The following GALNT13 variants were observed in gnomAD, a reference collection of about 807,000 sequenced individuals.
GALNT13 encodes UDP-GalNAc:polypeptide N-acetylgalactosaminyltransferase 13.
Under a neutral mutation model 64.2 loss-of-function variants are expected in GALNT13, and 28 were observed. The ratio of observed to expected loss-of-function variants is 0.44; its 90% CI spans 0.32 to 0.60. The LOEUF (loss-of-function observed/expected upper bound fraction) is 0.60, where lower values mean the gene tolerates loss of function less well. Among genes scored for constraint, GALNT13 ranks in the 20% least tolerant of loss-of-function variants. The probability of loss-of-function intolerance (pLI) is 0.05; values close to 1 mark genes in which losing one functional copy is unlikely to be tolerated. For missense variants in GALNT13, 577 were observed against 669.8 expected (o/e 0.86, Z 1.53); for synonymous variants, 214 against 224.6 (o/e 0.95, Z 0.42).
At chr2:154,348,765 C>T (rs1467050941) in intron 9 of GALNT13, among the ~76,000 whole-genome samples, 3 of 151,870 alleles carry the variant, frequency 2.0e-5, no homozygotes, top group African/African-American at 7.3e-5. Flanking sequence ...TGTTATTCTA[C>T]AAGGTCCTGG....
At chr2:153,386,400 G>C in the GALNT13 span, among the ~76,000 whole-genome samples, 8,891 of 152,020 alleles carry the variant, frequency 0.058, 298 homozygotes, top group Middle Eastern at 0.13. Context: ...ATCACATACA[G>C]TTGGGTAAAA....
chr2:154,051,354 A>G (rs962825486), intron 3 of GALNT13, among the ~76,000 whole-genome samples: 12 of 140,536 alleles, frequency 8.5e-5, no homozygotes, highest in African/African-American at 2.2e-4. Flanking sequence ...GCAGTGGCGC[A>G]ATCTCGGCTC....
the GALNT13 span, among the ~76,000 whole-genome samples, chr2:153,434,927 T>C: frequency 1.6e-4 from 24 of 152,342 alleles, 1 homozygote; most frequent in South Asian, 4.8e-3. Context: ...TGAATGGTAT[T>C]GCCTAGATTT....
the GALNT13 span, among the ~76,000 whole-genome samples, chr2:153,168,448 T>C: frequency 6.6e-6 from 1 of 152,216 alleles, no homozygotes; most frequent in African/African-American, 2.4e-5. Flanking sequence ...ATATTTGTGG[T>C]ACACAAAATT....
At chr2:154,382,907 T>G (rs1051001553) in intron 9 of GALNT13, among the ~76,000 whole-genome samples, 2 of 151,946 alleles carry the variant, frequency 1.3e-5, no homozygotes, top group Non-Finnish European at 2.9e-5. Context: ...AAAATCACCC[T>G]GGTACAGAAA....
At chr2:153,643,568 C>T in the GALNT13 span, among the ~76,000 whole-genome samples, 1 of 151,618 alleles carries the variant, frequency 6.6e-6, no homozygotes, top group African/African-American at 2.4e-5. Flanking sequence ...ATCCAATCTC[C>T]ACAAAATTTC....
chr2:153,429,931 G>T, the GALNT13 span, among the ~76,000 whole-genome samples: 1 of 151,984 alleles, frequency 6.6e-6, no homozygotes, highest in East Asian at 1.9e-4. Context: ...AATGTAAATT[G>T]TATCCTCACC....
At chr2:153,956,595 A>G (rs569201156) in intron 3 of GALNT13, among the ~76,000 whole-genome samples, 1 of 152,210 alleles carries the variant, frequency 6.6e-6, no homozygotes, top group African/African-American at 2.4e-5. Context: ...CTCTTTCTTT[A>G]TATCATTCCT....
intron 9 of GALNT13, among the ~76,000 whole-genome samples, chr2:154,373,250 T>A (rs1427831097): frequency 6.6e-6 from 1 of 152,182 alleles, no homozygotes; most frequent in South Asian, 2.1e-4. Context: ...AAAGAAAAAA[T>A]ACATTGAATT....
At chr2:153,215,517 T>C in the GALNT13 span, among the ~76,000 whole-genome samples, 1 of 152,070 alleles carries the variant, frequency 6.6e-6, no homozygotes, top group Non-Finnish European at 1.5e-5. Context: ...TCCATATTGC[T>C]CCCTTATAAA....
the GALNT13 span, among the ~76,000 whole-genome samples, chr2:153,415,922 A>G: frequency 6.6e-6 from 1 of 152,204 alleles, no homozygotes. Context: ...TGAAGTGAAA[A>G]GAAAAAAGTT....
intron 3 of GALNT13, among the ~76,000 whole-genome samples, chr2:154,124,584 G>A (rs1386393111): frequency 6.6e-6 from 1 of 151,806 alleles, no homozygotes; most frequent in East Asian, 1.9e-4. Context: ...GAAAAGTCAT[G>A]GAATTAGAAA....
At chr2:153,303,257 C>A in the GALNT13 span, among the ~76,000 whole-genome samples, 4 of 151,798 alleles carry the variant, frequency 2.6e-5, no homozygotes, top group African/African-American at 9.7e-5. Flanking sequence ...GGTCTTTCAC[C>A]TCCTTGGTGA....
At chr2:153,867,753 G>T (rs1287152645), upstream of GALNT13, among the ~76,000 whole-genome samples, 2 of 151,524 alleles carry the variant, frequency 1.3e-5, no homozygotes, top group Non-Finnish European at 2.9e-5. Flanking sequence ...AGATCATCAG[G>T]CATTAGATTC....
At chr2:153,125,543 C>G in the GALNT13 span, among the ~76,000 whole-genome samples, 1 of 152,168 alleles carries the variant, frequency 6.6e-6, no homozygotes, top group South Asian at 2.1e-4. Flanking sequence ...TCTGACTTGA[C>G]TGCATTAATA....
At chr2:154,149,495 T>C (rs1683842302) in intron 4 of GALNT13, among the ~76,000 whole-genome samples, 1 of 152,210 alleles carries the variant, frequency 6.6e-6, no homozygotes, top group Admixed American at 6.5e-5. Context: ...GGGATGGCAT[T>C]GAATCTATAA....
chr2:153,532,106 C>T, the GALNT13 span, among the ~76,000 whole-genome samples: 1 of 152,014 alleles, frequency 6.6e-6, no homozygotes, highest in Non-Finnish European at 1.5e-5. Context: ...GTTGAAGCTC[C>T]AACCACACAT....
rs192542258 is a variant in GALNT13, at chr2:154,206,865, G to A, written c.312-35165G>A. On this transcript the variant is annotated intron_variant, in intron 4 of 12. Coordinates refer to ENST00000392825, the MANE Select transcript of GALNT13 (RefSeq NM_052917.4). ...TAAGTCTAAGGTCAAGAACATGGTC[G>A]TTTCACCATGCATTTCACCGTGCAA... Among the ~76,000 whole-genome samples, 189 of 151,604 alleles carry A rather than the reference G, an allele frequency of 1.2e-3. 1 individual carries two copies. Among genetic ancestry groups the A allele is most frequent in the African/African-American group, 4.4e-3 (180 of 41,376 alleles).
intron 4 of GALNT13, among the ~76,000 whole-genome samples, chr2:154,141,560 A>C (rs1412020857): frequency 1.3e-5 from 2 of 152,192 alleles, no homozygotes; most frequent in Non-Finnish European, 2.9e-5. Flanking sequence ...ATCACTAGGC[A>C]ATAGGAATCT....
Sources: allele counts gnomAD v4.1 joint callset (sites outside exome capture counted in the v4.1 genomes callset), GRCh38; gene constraint gnomAD v4.1.1; transcripts MANE v1.5; gene names NCBI Gene and HGNC (gene_info 2026-07-23, HGNC 2026-07-21).